The following POGLUT1 variants were observed in gnomAD, a reference collection of about 807,000 sequenced individuals.
POGLUT1 encodes the protein 9630046K23Rik.
In POGLUT1, 32 loss-of-function variants were observed where a neutral mutation model predicts 61.3. The observed-to-expected ratio is 0.52, with a 90% confidence interval of 0.39 to 0.70. POGLUT1 has a LOEUF of 0.70. POGLUT1 is among the 30% of genes least tolerant of loss of function. The pLI is 0.00. For synonymous variants in POGLUT1, 158 were observed against 158.2 expected, an observed-to-expected ratio of 1.00 and a Z score of 0.01; for missense variants, 411 against 469.8, an observed-to-expected ratio of 0.87 and a Z score of 1.16.
rs1366225939 is a variant in POGLUT1 at position 119,471,348 on chromosome 3, C to G, written c.216C>G (p.Ile72Met). The stretch of plus-strand genomic sequence containing the variant: ...ATCTAACTCCTTTCCGAGGAGGCAT[C>G]TCCAGGAAGATGATGGCAGAGGTAG... Reference protein sequence around the residue: ...EEDLTPFRGGISRKMMAEVVR... With the variant: ...EEDLTPFRGGMSRKMMAEVVR... The change falls in exon 3 of 11, where the codon ATC (isoleucine) becomes ATG (methionine). Residue 72 changes from isoleucine (I) to methionine (M), a missense_variant. Ile to Met is a conservative substitution (Grantham distance 10). Coordinates refer to ENST00000295588, the MANE Select transcript of POGLUT1 (RefSeq NM_152305.3). 6.2e-7 allele frequency: 1 copy of G among 1,613,874 alleles called. No homozygotes were observed. The highest frequency in any genetic ancestry group is 1.3e-5 in the African/African-American group (1 of 74,928).
rs914338787 is a variant in POGLUT1, at chr3:119,494,057, G to C, written c.*1619G>C. The C allele has an allele frequency of 2.0e-5, 3 of 152,058 alleles. No individual in the cohort carries two copies. Among genetic ancestry groups the C allele is most frequent in the Non-Finnish European group, 4.4e-5 (3 of 68,000 alleles). 9.4% of individuals were successfully genotyped at this position (152,058 alleles called of 1,614,324 possible). ...TTTCCCTGGGAATGTTTCCCATTTA[G>C]CTTCAAGTTTCAGCTCAAACATCAC... On this transcript the variant is annotated 3_prime_UTR_variant, in exon 11 of 11. Coordinates refer to ENST00000295588, the MANE Select transcript of POGLUT1 (RefSeq NM_152305.3).
Position 119,492,882 on chromosome 3 carries a change from C to A in POGLUT1, c.*444C>A, listed in dbSNP as rs1276827293. ...ATTGTGAAATTATTCAAGGCGTGAT[C>A]TCTGTCACTTTATTTTAATGTAGGA... On this transcript the variant is annotated 3_prime_UTR_variant, in exon 11 of 11. Transcript: ENST00000295588. 3 of 152,568 alleles carry A rather than the reference C, an allele frequency of 2.0e-5. No individual in the cohort carries two copies. Among genetic ancestry groups the A allele is most frequent in the African/African-American group, 4.9e-5 (2 of 41,188 alleles). The allele number at this position is 152,568 out of a possible 1,614,324, so 9.5% of individuals were successfully genotyped here.
rs1478692058 is a variant in POGLUT1, at chr3:119,494,126, GC to G, written c.*1689del. On this transcript the variant is annotated 3_prime_UTR_variant, in exon 11 of 11. Transcript: ENST00000295588. ...CATTCATTCCTCCAGGCAGTAAGGG[GC>G]TACCATAGTACTTTGTTTATGCCTG... is the stretch of plus-strand genomic sequence containing the variant. 6.6e-6 allele frequency: 1 copy of G among 152,170 alleles called. No individual in the cohort carries two copies. Among genetic ancestry groups the G allele is most frequent in the Non-Finnish European group, 1.5e-5 (1 of 68,038 alleles). The allele number at this position is 152,170 out of a possible 1,614,324, so 9.4% of individuals were successfully genotyped here. A position where few individuals can be genotyped will look rare whatever the true frequency, so the allele number is the denominator to read the frequency against.
intron 3 of POGLUT1, among the ~76,000 whole-genome samples, chr3:119,475,230 C>T (rs1255299200): frequency 6.6e-6 from 1 of 152,222 alleles, no homozygotes; most frequent in Non-Finnish European, 1.5e-5. Flanking sequence ...TTCTGTTCTG[C>T]ACTTAGATTT....
intron 6 of POGLUT1, 108 bp downstream of exon 6, chr3:119,485,495 A>G (rs745992811): frequency 1.8e-4 from 117 of 637,738 alleles, no homozygotes; most frequent in Middle Eastern, 5.1e-4. Context: ...AGCTAAGATA[A>G]CAAAGAAAGA....
chr3:119,479,184 C>T (rs1577081062), intron 4 of POGLUT1, among the ~76,000 whole-genome samples: 1 of 152,046 alleles, frequency 6.6e-6, no homozygotes, highest in African/African-American at 2.4e-5. Context: ...CCCGTCTCGG[C>T]CTCCCAAAGT....
rs2081777047 is a variant in POGLUT1, at chr3:119,493,416, C to A, written c.*978C>A. ...ATCCATGATGGAGTGCCTCCCTTTT[C>A]CTTTTTTCACTTTTTGAAAAAGATG... is the stretch of plus-strand genomic sequence containing the variant. On this transcript the variant is annotated 3_prime_UTR_variant, in exon 11 of 11. Transcript: ENST00000295588. 1.3e-5 allele frequency: 2 copies of A among 152,088 alleles called. No individual in the cohort carries two copies. Among genetic ancestry groups the A allele is most frequent in the African/African-American group, 4.8e-5 (2 of 41,418 alleles). The allele number at this position is 152,088 out of a possible 1,614,324, so 9.4% of individuals were successfully genotyped here.
Position 119,493,803 on chromosome 3 carries a change from A to ATTTTTTTTTTTTTTTTTTTTTTT in POGLUT1, c.*1386_*1387insTTTTTTTTTTTTTTTTTTTTTTT, listed in dbSNP as rs58233822. On this transcript the variant is annotated 3_prime_UTR_variant, in exon 11 of 11. Transcript: ENST00000295588. The stretch of plus-strand genomic sequence containing the variant: ...GGAATAAGCAGATGTTTAAAGTTGG[A>ATTTTTTTTTTTTTTTTTTTTTTT]TTTTTTTTTTTTTTTTTTTTTGAGT... 3 of 119,912 alleles carry ATTTTTTTTTTTTTTTTTTTTTTT rather than the reference A, an allele frequency of 2.5e-5. No homozygotes were observed. Among genetic ancestry groups the ATTTTTTTTTTTTTTTTTTTTTTT allele is most frequent in the African/African-American group, 6.8e-5 (2 of 29,260 alleles). The allele number at this position is 119,912 out of a possible 1,614,324, so 7.4% of individuals were successfully genotyped here.
chr3:119,490,857 G>A lies in POGLUT1; in HGVS notation c.965+139G>A, dbSNP rs1488581436. On this transcript the variant is annotated intron_variant, in intron 9 of 10. Coordinates refer to ENST00000295588, the MANE Select transcript of POGLUT1 (RefSeq NM_152305.3). ...CCATTGAAAGCTTTTTTTCCTCTTG[G>A]TTTGCATATATAGTATTGCATTATT... 4 of 713,854 alleles carry A rather than the reference G, an allele frequency of 5.6e-6. No homozygotes were observed. In the East Asian group the frequency reaches 1.0e-4, roughly 18 times the overall value. 44.2% of individuals were successfully genotyped at this position (713,854 alleles called of 1,614,324 possible). A position where few individuals can be genotyped will look rare whatever the true frequency, so the allele number is the denominator to read the frequency against.
rs1427737759 is a variant in POGLUT1, at chr3:119,468,995, G to C, written c.-27G>C. The C allele has an allele frequency of 6.3e-7, 1 of 1,591,684 alleles. No individual in the cohort carries two copies. The highest frequency in any genetic ancestry group is 8.6e-7 in the Non-Finnish European group (1 of 1,168,826). On this transcript the variant is annotated 5_prime_UTR_variant, in exon 1 of 11. Coordinates refer to ENST00000295588, the MANE Select transcript of POGLUT1 (RefSeq NM_152305.3). ...GCCGCGCTTCCGCCAGCGCCGCAGC[G>C]GGGAATCTGCAGTAGGTCTGCCGGC... is the stretch of plus-strand genomic sequence containing the variant.
Position 119,491,502 on chromosome 3 carries a change from A to G in POGLUT1, c.966-16A>G. On this transcript the variant is annotated splice_polypyrimidine_tract_variant and intron_variant, in intron 9 of 10. Transcript: ENST00000295588. The stretch of plus-strand genomic sequence containing the variant: ...GTTGGTCTATATTTCACAGTCTAAA[A>G]TTCTTTTCATTTTAGAGAGCTGTTA... The G allele has an allele frequency of 7.2e-7, 1 of 1,382,236 alleles. No homozygotes were observed. Among genetic ancestry groups the G allele is most frequent in the Admixed American group, 1.9e-5 (1 of 53,970 alleles). The allele number at this position is 1,382,236 out of a possible 1,614,324, so 85.6% of individuals were successfully genotyped here.
chr3:119,469,322 A>G (rs2081438379), intron 1 of POGLUT1: 1 of 589,274 alleles, frequency 1.7e-6, no homozygotes, highest in Non-Finnish European at 3.0e-6. Context: ...CCCGGAATTC[A>G]GAATGACAGG....
Position 119,488,972 on chromosome 3 carries a change from A to G in POGLUT1, c.782A>G (p.Asp261Gly). 2 of 1,586,540 alleles carry G rather than the reference A, an allele frequency of 1.3e-6. No homozygotes were observed. Among genetic ancestry groups the G allele is most frequent in the Middle Eastern group, 1.7e-4 (1 of 5,980 alleles). The change falls in exon 8 of 11, where the codon GAT becomes GGT. Residue 261 changes from aspartate (D) to glycine (G), a missense_variant. Transcript: ENST00000295588. ...GCTGCTAAGGATGTCCATCTTGTGG[A>G]TCACTGCAAATACAAGTAAGATTTG... ...KPAAKDVHLV[D>G]HCKYKYLFNF...
intron 8 of POGLUT1, chr3:119,489,621 T>C (rs950552753): frequency 6.8e-6 from 1 of 146,104 alleles, no homozygotes; most frequent in Non-Finnish European, 1.5e-5. Flanking sequence ...GAAGACAGCT[T>C]TTTTTGTTTT....
chr3:119,485,538 A>G, intron 6 of POGLUT1, 151 bp downstream of exon 6: 1 of 581,586 alleles, frequency 1.7e-6, no homozygotes, highest in South Asian at 2.4e-5. Flanking sequence ...TTCGAGAATA[A>G]TTCACATTAT....
At chr3:119,491,595 CTT>C (rs34282237) in intron 10 of POGLUT1, 21 bp downstream of exon 10, 1 of 1,422,408 alleles carries the variant, frequency 7.0e-7, no homozygotes, top group Admixed American at 1.9e-5. Context: ...TTCATTTTCC[CTT>C]TTCCACTTTA....
intron 3 of POGLUT1, among the ~76,000 whole-genome samples, chr3:119,474,093 A>G (rs753473928): frequency 6.6e-6 from 1 of 152,218 alleles, no homozygotes; most frequent in Non-Finnish European, 1.5e-5. Flanking sequence ...GTCATTTCAA[A>G]GATGAGGAGT....
chr3:119,493,880 C>A lies in POGLUT1; in HGVS notation c.*1442C>A, dbSNP rs1003081074. The A allele has an allele frequency of 1.6e-4, 23 of 143,758 alleles. No homozygotes were observed. The highest frequency in any genetic ancestry group is 4.6e-4 in the African/African-American group (17 of 36,876). The allele number at this position is 143,758 out of a possible 1,614,324, so 8.9% of individuals were successfully genotyped here. A position where few individuals can be genotyped will look rare whatever the true frequency, so the allele number is the denominator to read the frequency against. On this transcript the variant is annotated 3_prime_UTR_variant, in exon 11 of 11. Coordinates refer to ENST00000295588, the MANE Select transcript of POGLUT1 (RefSeq NM_152305.3). Reference sequence around the variant, plus strand: ...TTAGGTTCTTAGTCTGTGAATCTAGCAATAGGCAGTCCAGATTTCTGAGTC... The same window carrying A: ...TTAGGTTCTTAGTCTGTGAATCTAGAAATAGGCAGTCCAGATTTCTGAGTC...
intron 8 of POGLUT1, 114 bp downstream of exon 8, chr3:119,489,101 T>A: frequency 3.5e-6 from 2 of 573,230 alleles, no homozygotes; most frequent in African/African-American, 1.8e-5. Flanking sequence ...AAAGTTGCAT[T>A]AATTCATTTC....
Sources: allele counts gnomAD v4.1 joint callset (sites outside exome capture counted in the v4.1 genomes callset), GRCh38; gene constraint gnomAD v4.1.1; transcripts MANE v1.5; gene names NCBI Gene and HGNC (gene_info 2026-07-23, HGNC 2026-07-21).